The following CFAP47 variants were observed in gnomAD, a reference collection of about 807,000 sequenced individuals.
The protein encoded by CFAP47 is cilia and flagella associated protein 47, also known as cilia- and flagella-associated protein 47.
In CFAP47, 29 loss-of-function variants were observed where a neutral mutation model predicts 148.1. The observed-to-expected ratio is 0.20, with a 90% CI of 0.15 to 0.27. The LOEUF is 0.27. Among genes scored for constraint, CFAP47 ranks in the 10% least tolerant of loss-of-function variants. The probability of loss-of-function intolerance (pLI) is 1.00; values close to 1 mark genes in which losing one functional copy is unlikely to be tolerated. For missense variants in CFAP47, 1,872 were observed against 1,697.5 expected (o/e 1.10, Z -1.81); for synonymous variants, 664 against 577.3 (o/e 1.15, Z -2.15).
At chrX:35,959,416 CTT>C (rs1199915766) in intron 8 of CFAP47, among the ~76,000 whole-genome samples, 1 of 111,699 alleles carries the variant, frequency 9.0e-6, no homozygotes, top group Non-Finnish European at 1.9e-5. Context: ...TCTTTTGTCT[CTT>C]GTGCATTTAG....
Position 35,924,338 on chromosome X carries a change from TATATGTGTGC to T in CFAP47, c.250-1670_250-1661del, listed in dbSNP as rs1416518987. Among the ~76,000 whole-genome samples the T allele has an allele frequency of 1.9e-4, 20 of 106,702 alleles. 2 individuals carry two copies. Among genetic ancestry groups the T allele is most frequent in the African/African-American group, 4.6e-4 (13 of 28,033 alleles). 92.7% of individuals were successfully genotyped at this position (106,702 alleles called of 115,157 possible). A position where few individuals can be genotyped will look rare whatever the true frequency, so the allele number is the denominator to read the frequency against. ...GTACATGTATGTGTATATGTGTACA[TATATGTGTGC>T]ATATGTGTATATATGTATATGTGCA... On this transcript the variant is annotated intron_variant, in intron 1 of 63. Coordinates refer to ENST00000378653, the MANE Select transcript of CFAP47 (RefSeq NM_001304548.2).
chrX:36,155,817 G>A (rs753925298), intron 37 of CFAP47, among the ~76,000 whole-genome samples: 8 of 111,135 alleles, frequency 7.2e-5, no homozygotes, highest in East Asian at 2.8e-4. Context: ...AAGGATGACC[G>A]CCTCAATTTG....
At chrX:36,228,121 A>G (rs782525760) in intron 45 of CFAP47, among the ~76,000 whole-genome samples, 1 of 112,057 alleles carries the variant, frequency 8.9e-6, no homozygotes, top group African/African-American at 3.2e-5. Flanking sequence ...GCTGTGAGAC[A>G]GAGCACCTCT....
At chrX:35,972,325 G>A (rs962810437) in intron 13 of CFAP47, among the ~76,000 whole-genome samples, 5 of 110,389 alleles carry the variant, frequency 4.5e-5, no homozygotes, top group African/African-American at 1.7e-4. Flanking sequence ...CACCTCCCGG[G>A]TTCAAGCGAT....
chrX:36,107,414 C>T (rs1361147177), intron 33 of CFAP47, among the ~76,000 whole-genome samples: 1 of 112,153 alleles, frequency 8.9e-6, no homozygotes, highest in African/African-American at 3.2e-5. Context: ...CTGTAAGCTC[C>T]GCACCAAGCT....
chrX:35,994,308 G>C (rs141448050), intron 18 of CFAP47, among the ~76,000 whole-genome samples: 2,450 of 111,671 alleles, frequency 0.022, 80 homozygotes, highest in African/African-American at 0.076. Context: ...AGGCACTTCT[G>C]TAAGTGATAA....
At chrX:36,208,898 G>A (rs1228352070) in intron 45 of CFAP47, among the ~76,000 whole-genome samples, 2 of 108,663 alleles carry the variant, frequency 1.8e-5, no homozygotes, top group African/African-American at 6.7e-5. Context: ...CCTGGGAGGC[G>A]GAGTTTGCAG....
At chrX:35,940,222 A>C (rs1053908346) in intron 2 of CFAP47, among the ~76,000 whole-genome samples, 5 of 110,925 alleles carry the variant, frequency 4.5e-5, no homozygotes, top group African/African-American at 1.6e-4. Flanking sequence ...TAGGTTGCAA[A>C]AATTTTCTCC....
At chrX:36,103,212 A>G (rs1450261014) in intron 32 of CFAP47, among the ~76,000 whole-genome samples, 1 of 110,482 alleles carries the variant, frequency 9.1e-6, no homozygotes, top group African/African-American at 3.3e-5. Context: ...AGTGCTCCCA[A>G]GAAGCATCAG....
chrX:36,065,474 T>C (rs185733702), intron 26 of CFAP47, among the ~76,000 whole-genome samples, 169 bp from the exon 27 acceptor site: 1 of 111,896 alleles, frequency 8.9e-6, no homozygotes, highest in African/African-American at 3.2e-5. Flanking sequence ...GAAGTAAAAA[T>C]TTTAAAAATC....
At chrX:36,221,409 C>G (rs1940212313) in intron 45 of CFAP47, among the ~76,000 whole-genome samples, 1 of 110,880 alleles carries the variant, frequency 9.0e-6, no homozygotes, top group African/African-American at 3.3e-5. Flanking sequence ...ATTTCTAAAC[C>G]AGTAGAGGCA....
At chrX:36,123,857 T>C (rs1394148712) in intron 33 of CFAP47, among the ~76,000 whole-genome samples, 1 of 111,400 alleles carries the variant, frequency 9.0e-6, no homozygotes, top group East Asian at 2.9e-4. Flanking sequence ...GTGAAAGTAG[T>C]CTTACCCCAT....
At chrX:36,301,749 A>G (rs1941300776) in intron 53 of CFAP47, among the ~76,000 whole-genome samples, 1 of 110,854 alleles carries the variant, frequency 9.0e-6, no homozygotes, top group Non-Finnish European at 1.9e-5. Context: ...AAGGTGAAGC[A>G]GAGGTAAGCA....
intron 39 of CFAP47, among the ~76,000 whole-genome samples, chrX:36,173,110 A>T (rs184093539): frequency 0.056 from 6,198 of 110,720 alleles, 152 homozygotes; most frequent in Middle Eastern, 0.12. Context: ...GTATTCTCTG[A>T]TGGTAGTTTG....
At chrX:36,171,401 G>C (rs1027709451) in intron 39 of CFAP47, among the ~76,000 whole-genome samples, 1 of 110,345 alleles carries the variant, frequency 9.1e-6, no homozygotes, top group Non-Finnish European at 1.9e-5. Flanking sequence ...GTAATGCCTA[G>C]GTTTTCTTCT....
chrX:36,200,525 A>C, intron 43 of CFAP47, 32 bp downstream of exon 43: 1 of 294,064 alleles, frequency 3.4e-6, no homozygotes, highest in Non-Finnish European at 6.0e-6. Flanking sequence ...TTTCATTTAT[A>C]ATGTTGAAGA....
chrX:36,354,504 T>A (rs1941770809), intron 60 of CFAP47, among the ~76,000 whole-genome samples: 1 of 107,970 alleles, frequency 9.3e-6, no homozygotes, highest in African/African-American at 3.4e-5. Context: ...AAAAAAAGAT[T>A]TACTATCTCA....
At chrX:36,047,633 A>G (rs1352652536) in intron 26 of CFAP47, among the ~76,000 whole-genome samples, 1 of 111,907 alleles carries the variant, frequency 8.9e-6, no homozygotes, top group African/African-American at 3.2e-5. Flanking sequence ...CTAAATGGCA[A>G]GAGGTTGAAG....
At chrX:35,975,975 TATTA>T (rs1168481461) in intron 15 of CFAP47, 62 bp downstream of exon 15, 2 of 1,114,342 alleles carry the variant, frequency 1.8e-6, no homozygotes, top group African/African-American at 3.6e-5. Flanking sequence ...TGTATTCTGG[TATTA>T]ATTATTTATT....
Sources: gnomAD v4.1 joint callset for allele counts (sites outside exome capture counted in the v4.1 genomes callset) on GRCh38, gnomAD v4.1.1 for gene constraint, MANE v1.5 for transcripts, NCBI Gene and HGNC (gene_info 2026-07-23, HGNC 2026-07-21) for gene names.